The following RRM2 variants were observed in gnomAD, a reference collection of about 807,000 sequenced individuals.
RRM2 encodes the protein ribonucleoside-diphosphate reductase subunit M2.
In RRM2, 6 loss-of-function variants were observed where a neutral mutation model predicts 45.9. The ratio of observed to expected loss-of-function variants is 0.13; its 90% CI spans 0.07 to 0.26. The LOEUF (loss-of-function observed/expected upper bound fraction) is 0.26. RRM2 is among the 10% of genes least tolerant of loss of function. RRM2 has a pLI of 1.00. For missense variants in RRM2, 343 were observed against 489.5 expected (o/e 0.70, Z 2.82); for synonymous variants, 177 against 173.0 (o/e 1.02, Z -0.18).
At chr2:10,200,483 C>CG (rs1296330956) in intron 3 of RRM2, among the ~76,000 whole-genome samples, 2 of 61,684 alleles carry the variant, frequency 3.2e-5, no homozygotes, top group African/African-American at 1.1e-4. Flanking sequence ...ATATGAGGCC[C>CG]ACAGGCACCG....
intron 3 of RRM2, chr2:10,192,697 T>A (rs1247988691): frequency 1.3e-5 from 2 of 154,080 alleles, no homozygotes; most frequent in Non-Finnish European, 2.9e-5. Context: ...ACTGAAAGTA[T>A]TAGGGGGCCT....
rs768635114 is a variant in RRM2, at chr2:10,123,822, A to G, written c.405A>G (p.Ala135=). ...TATCCCATGTTCTGGCTTTCTTTGC[A>G]GCAAGCGATGGCATAGTAAATGAAA... ...YFISHVLAFF[A]ASDGIVNENL... is the part of the protein sequence containing the mutation. The change falls in exon 4 of 10, where the codon GCA becomes GCG. Residue 135 remains alanine, a synonymous_variant. Coordinates refer to ENST00000304567, the MANE Select transcript of RRM2 (RefSeq NM_001034.4). 1.2e-6 allele frequency: 2 copies of G among 1,606,168 alleles called. No homozygotes were observed. Among genetic ancestry groups the G allele is most frequent in the Non-Finnish European group, 1.7e-6 (2 of 1,172,692 alleles).
At chr2:10,178,223 CT>C (rs34044826) in intron 3 of RRM2, among the ~76,000 whole-genome samples, 61,256 of 124,796 alleles carry the variant, frequency 0.49, 14,927 homozygotes, top group East Asian at 0.72. Context: ...ACCGTGCAGG[CT>C]TTTTTTTTTT....
chr2:10,134,655 G>A (rs1662961769), downstream of RRM2, among the ~76,000 whole-genome samples: 3 of 152,226 alleles, frequency 2.0e-5, no homozygotes, highest in African/African-American at 7.2e-5. Context: ...ACGGTATGGT[G>A]AAGAAATAGA....
In RRM2 at chr2:10,204,580, G is replaced by A. The variant is rs1248047125; in HGVS notation, n.483-5731G>A. Among the ~76,000 whole-genome samples the A allele has an allele frequency of 6.6e-6, 1 of 152,250 alleles. No homozygotes were observed. The highest frequency in any genetic ancestry group is 1.9e-4 in the East Asian group (1 of 5,198). On this transcript the variant is annotated intron_variant and non_coding_transcript_variant, in intron 3 of 3. Transcript: ENST00000381786. This position sits in a 1 kb window ranked among gnomAD's most constrained non-coding sequence, Gnocchi z 4.0. Reference sequence around the variant, plus strand: ...CCAGCCCTGGGTGCAGGGAGGTGCGGTTTGCTCTCAGAGGAGCAGCTAGCT... The same window carrying A: ...CCAGCCCTGGGTGCAGGGAGGTGCGATTTGCTCTCAGAGGAGCAGCTAGCT...
chr2:10,161,442 C>T (rs879180179), intron 3 of RRM2, among the ~76,000 whole-genome samples: 1 of 152,214 alleles, frequency 6.6e-6, no homozygotes, highest in Non-Finnish European at 1.5e-5. Flanking sequence ...TGACCTCCAC[C>T]ACCCGCGTGC....
chr2:10,164,406 G>A (rs967275773), intron 3 of RRM2, among the ~76,000 whole-genome samples: 4 of 152,162 alleles, frequency 2.6e-5, no homozygotes, highest in Non-Finnish European at 4.4e-5. Flanking sequence ...ACAAGGACTG[G>A]CAGTAAGTGC....
At chr2:10,155,375 T>C (rs1258374965) in intron 3 of RRM2, among the ~76,000 whole-genome samples, 17 of 152,196 alleles carry the variant, frequency 1.1e-4, no homozygotes, top group Admixed American at 1.0e-3. Context: ...CCTTTTGCTG[T>C]GGACAGAAGG....
downstream of RRM2, among the ~76,000 whole-genome samples, chr2:10,134,742 G>T (rs1030109792): frequency 2.6e-5 from 4 of 152,232 alleles, no homozygotes; most frequent in African/African-American, 7.2e-5. Context: ...ACACAGCTTA[G>T]TAAGATTAGA....
upstream of RRM2, chr2:10,141,282 T>A (rs1558385482): frequency 6.4e-6 from 1 of 156,996 alleles, no homozygotes; most frequent in Admixed American, 6.1e-5. Context: ...TCAGGTTAAG[T>A]CTGTGGGTGG....
intron 4 of RRM2, 54 bp from the exon 5 acceptor site, chr2:10,124,663 A>G (rs1662743962): frequency 6.2e-7 from 1 of 1,605,590 alleles, no homozygotes; most frequent in Non-Finnish European, 8.5e-7. Context: ...ATCCGTTGAC[A>G]GTTGCTGCTG....
rs1357984481 is a variant in RRM2, at chr2:10,172,253, TG to T, written n.482+29883del. Among the ~76,000 whole-genome samples the T allele has an allele frequency of 6.6e-6, 1 of 152,062 alleles. No homozygotes were observed. Among genetic ancestry groups the T allele is most frequent in the African/African-American group, 2.4e-5 (1 of 41,416 alleles). On this transcript the variant is annotated intron_variant and non_coding_transcript_variant, in intron 3 of 3. Transcript: ENST00000381786. The surrounding 1 kb of genome is among the most constrained non-coding windows in gnomAD (Gnocchi z 4.9). Reference sequence around the variant, plus strand: ...GAGGCCCACCTGTCTGGCGAGGGTCTGGGGGAGGTCGGATGAGATGAAGGAG... The same window carrying T: ...GAGGCCCACCTGTCTGGCGAGGGTCTGGGGAGGTCGGATGAGATGAAGGAG...
chr2:10,150,169 C>T lies in RRM2; in HGVS notation n.482+7794C>T, dbSNP rs552047558. ...TCTCTACTAAAAACACAAAATTAGC[C>T]GGGCGTGGTGGTGCAAGCCTGTAAT... On this transcript the variant is annotated intron_variant and non_coding_transcript_variant, in intron 3 of 3. Transcript: ENST00000381786. Among the ~76,000 whole-genome samples the T allele has an allele frequency of 1.1e-4, 17 of 151,822 alleles. No individual in the cohort carries two copies. In the South Asian group the frequency reaches 2.1e-3, roughly 19 times the overall value.
In RRM2 at chr2:10,198,127, C is replaced by T. The variant is rs74776437; in HGVS notation, n.483-12184C>T. 1.3e-4 allele frequency among the ~76,000 whole-genome samples: 20 copies of T among 152,334 alleles called. No individual in the cohort carries two copies. The East Asian group carries it at 2.5e-3, about 19-fold the overall frequency. On this transcript the variant is annotated intron_variant and non_coding_transcript_variant, in intron 3 of 3. Coordinates refer to the RRM2 transcript ENST00000381786. ...GGCCCTGCCTCTCCCCTGTATGTAC[C>T]GCATACATCCCTTTCGGGGCTATGC...
chr2:10,178,082 C>T lies in RRM2; in HGVS notation n.483-32229C>T, dbSNP rs573694092. On this transcript the variant is annotated intron_variant and non_coding_transcript_variant, in intron 3 of 3. Transcript: ENST00000381786. ...GACTACAGGTGCCCACCAACACGCC[C>T]GGCTAATTTTTTTTTTCGTATTCGT... Among the ~76,000 whole-genome samples the T allele has an allele frequency of 3.9e-3, 585 of 151,844 alleles. 1 individual carries two copies. Among genetic ancestry groups the T allele is most frequent in the Non-Finnish European group, 6.1e-3 (414 of 67,956 alleles).
chr2:10,148,143 C>CAAAA (rs374826185), intron 3 of RRM2, among the ~76,000 whole-genome samples: 35 of 119,574 alleles, frequency 2.9e-4, no homozygotes, highest in East Asian at 1.6e-3. Context: ...GACCCTGACT[C>CAAAA]AAAAAAAAAA....
chr2:10,126,142 G>A (rs1392625774), intron 5 of RRM2, among the ~76,000 whole-genome samples: 4 of 130,874 alleles, frequency 3.1e-5, no homozygotes, highest in Middle Eastern at 9.5e-3. Context: ...CTGGGCAACA[G>A]AGTGAGACCC....
chr2:10,147,885 C>T (rs10179663), intron 3 of RRM2, among the ~76,000 whole-genome samples: 87,185 of 151,892 alleles, frequency 0.57, 25,565 homozygotes, highest in Non-Finnish European at 0.64. Flanking sequence ...TGGTTCCCGC[C>T]TGTAATCCCA....
Position 10,171,427 on chromosome 2 carries a change from C to G in RRM2, n.482+29052C>G, listed in dbSNP as rs993523883. On this transcript the variant is annotated intron_variant and non_coding_transcript_variant, in intron 3 of 3. Transcript: ENST00000381786. The surrounding 1 kb of genome is among the most constrained non-coding windows in gnomAD (Gnocchi z 4.1). The stretch of plus-strand genomic sequence containing the variant: ...TGCATCTCCCGCCTTCCTCCTGAGC[C>G]GTGCTTCCAGGGCAGCCCCGGCCCT... 1.3e-5 allele frequency among the ~76,000 whole-genome samples: 2 copies of G among 152,220 alleles called. No homozygotes were observed. Among genetic ancestry groups the G allele is most frequent in the Non-Finnish European group, 2.9e-5 (2 of 68,042 alleles).
Sources: allele counts gnomAD v4.1 joint callset (sites outside exome capture counted in the v4.1 genomes callset), GRCh38; gene constraint gnomAD v4.1.1; non-coding constraint Gnocchi (gnomAD v3.1); transcripts MANE v1.5; gene names NCBI Gene and HGNC (gene_info 2026-07-23, HGNC 2026-07-21).